DSCAM: variants seen among roughly 807,000 people sequenced by gnomAD.
DSCAM encodes DS cell adhesion molecule.
Under a neutral mutation model 217.7 loss-of-function variants are expected in DSCAM, and 47 were observed. That is an observed-to-expected ratio of 0.22 (90% CI 0.17 to 0.28). The LOEUF (loss-of-function observed/expected upper bound fraction) is 0.28. Ranked by LOEUF, DSCAM falls within the 10% of genes least tolerant of loss-of-function variation. The pLI, the probability that DSCAM is intolerant of heterozygous loss-of-function variation, is 1.00. For missense variants in DSCAM, 2,080 were observed against 2,618.3 expected, an observed-to-expected ratio of 0.79 and a Z score of 4.49; for synonymous variants, 1,056 against 1,015.3, an observed-to-expected ratio of 1.04 and a Z score of -0.76.
At chr21:40,812,903 G>C (rs1336185060) in intron 1 of DSCAM, among the ~76,000 whole-genome samples, 2 of 152,214 alleles carry the variant, frequency 1.3e-5, no homozygotes, top group African/African-American at 4.8e-5. Context: ...GTGGTCACCA[G>C]TGTTGGAAAC....
chr21:40,672,545 G>A (rs916008499), intron 3 of DSCAM, among the ~76,000 whole-genome samples: 5 of 152,012 alleles, frequency 3.3e-5, no homozygotes, highest in Admixed American at 2.6e-4. Flanking sequence ...CTTGAGCAAA[G>A]GTAGGAGGCC....
intron 16 of DSCAM, among the ~76,000 whole-genome samples, chr21:40,146,259 G>T (rs2090355557): frequency 6.7e-6 from 1 of 149,094 alleles, no homozygotes; most frequent in African/African-American, 2.4e-5. Flanking sequence ...AGGTGGGCTT[G>T]ACGGAGGGGG....
chr21:40,366,020 A>T (rs1270738827), intron 4 of DSCAM, among the ~76,000 whole-genome samples: 3 of 152,068 alleles, frequency 2.0e-5, no homozygotes, highest in Non-Finnish European at 2.9e-5. Flanking sequence ...GTCTGTTTAT[A>T]TTCTCCCTTA....
chr21:40,390,075 G>A lies in DSCAM; in HGVS notation c.509-20830C>T, dbSNP rs188064750. Among the ~76,000 whole-genome samples, 13 of 152,282 alleles carry A rather than the reference G, an allele frequency of 8.5e-5. No homozygotes were observed. The East Asian group carries it at 1.2e-3, about 14-fold the overall frequency. On this transcript the variant is annotated intron_variant, in intron 3 of 32. Coordinates refer to ENST00000400454, the MANE Select transcript of DSCAM (RefSeq NM_001389.5). ...AAATCTCCTGGAGGGGGAGCTGCAC[G>A]CATGGACAGGGTGGGGCAAGGGAGA...
At chr21:40,694,476 A>G (rs1013631999) in intron 2 of DSCAM, among the ~76,000 whole-genome samples, 4 of 152,176 alleles carry the variant, frequency 2.6e-5, no homozygotes, top group African/African-American at 9.7e-5. Flanking sequence ...AGGTCGGGCT[A>G]ACCTTGTGAT....
At chr21:40,774,080 A>G (rs1361276139) in intron 1 of DSCAM, among the ~76,000 whole-genome samples, 1 of 152,212 alleles carries the variant, frequency 6.6e-6, no homozygotes, top group Non-Finnish European at 1.5e-5. Context: ...AACAACCAGA[A>G]GGGAGCTTCC....
chr21:40,659,488 CTATTTATCTAT>C (rs2090114813), intron 3 of DSCAM, among the ~76,000 whole-genome samples: 1 of 152,058 alleles, frequency 6.6e-6, no homozygotes, highest in African/African-American at 2.4e-5. Flanking sequence ...CATCTATCTA[CTATTTATCTAT>C]TATCTATCTA....
chr21:40,037,961 C>A (rs1174588107), intron 32 of DSCAM, among the ~76,000 whole-genome samples: 132 of 134,098 alleles, frequency 9.8e-4, no homozygotes, highest in East Asian at 1.2e-3. Flanking sequence ...ACTGGCTAGC[C>A]ATATGTAGAA....
chr21:40,747,656 C>T lies in DSCAM; in HGVS notation c.44-38885G>A, dbSNP rs57020232. 2.9e-3 allele frequency among the ~76,000 whole-genome samples: 440 copies of T among 151,902 alleles called. 1 individual carries two copies. Among genetic ancestry groups the T allele is most frequent in the African/African-American group, 0.01 (422 of 41,528 alleles). On this transcript the variant is annotated intron_variant, in intron 1 of 32. Coordinates refer to ENST00000400454, the MANE Select transcript of DSCAM (RefSeq NM_001389.5). ...GAAGATTTACAACTAATCTTTCTCA[C>T]AAGAATTCTACCAATTCTTCCAAAA...
intron 1 of DSCAM, among the ~76,000 whole-genome samples, chr21:40,744,258 A>C (rs1466081557): frequency 1.3e-5 from 2 of 150,482 alleles, no homozygotes; most frequent in African/African-American, 4.8e-5. Context: ...CTGGGGACAA[A>C]AAGTGGGGGT....
intron 3 of DSCAM, among the ~76,000 whole-genome samples, chr21:40,500,944 T>C (rs925196332): frequency 1.3e-5 from 2 of 151,522 alleles, no homozygotes; most frequent in Admixed American, 1.3e-4. Flanking sequence ...AGAGGCAATA[T>C]GGTAGGTATG....
At chr21:40,089,044 A>T (rs1305351770) in intron 21 of DSCAM, among the ~76,000 whole-genome samples, 7 of 152,184 alleles carry the variant, frequency 4.6e-5, no homozygotes, top group Non-Finnish European at 8.8e-5. Context: ...GTTCTTTAAC[A>T]TTCTGGGCAT....
At chr21:40,737,945 A>C (rs1330585616) in intron 1 of DSCAM, among the ~76,000 whole-genome samples, 2 of 152,116 alleles carry the variant, frequency 1.3e-5, no homozygotes, top group Admixed American at 6.5e-5. Context: ...CCTCCCATTC[A>C]AGTCTCCCTT....
intron 3 of DSCAM, among the ~76,000 whole-genome samples, chr21:40,550,670 A>G (rs568122100): frequency 9.9e-5 from 15 of 152,212 alleles, no homozygotes; most frequent in Admixed American, 9.2e-4. Flanking sequence ...GAGTAGTAGT[A>G]GCTATTAAAA....
intron 3 of DSCAM, among the ~76,000 whole-genome samples, chr21:40,635,664 C>T (rs1213852096): frequency 1.3e-5 from 2 of 152,086 alleles, no homozygotes; most frequent in Non-Finnish European, 2.9e-5. Context: ...AAGATCTGCA[C>T]CATGTTTTCT....
Position 40,312,123 on chromosome 21 carries a change from C to T in DSCAM, c.2020G>A (p.Glu674Lys). The T allele has an allele frequency of 6.2e-7, 1 of 1,614,062 alleles. No homozygotes were observed. Among genetic ancestry groups the T allele is most frequent in the Non-Finnish European group, 8.5e-7 (1 of 1,179,990 alleles). Residue 674 changes from glutamate (E) to lysine (K), a missense_variant, in exon 9 of 33, where the codon GAG (glutamate) becomes AAG (lysine). Around this residue, in one of 5 missense-constraint regions of DSCAM, gnomAD observed 218 missense variants for 364.1 expected, o/e 0.60. Coordinates refer to ENST00000400454, the MANE Select transcript of DSCAM (RefSeq NM_001389.5). The stretch of plus-strand genomic sequence containing the variant: ...CTTTGGTGCTCCACAGCGGCGGCCT[C>T]ATTCCGGGCTATGCAGGTGTAATTC... ...NGNYTCIARN[E>K]AAAVEHQSQL...
intron 3 of DSCAM, among the ~76,000 whole-genome samples, chr21:40,480,971 G>T (rs970591983): frequency 1.3e-5 from 2 of 152,106 alleles, no homozygotes; most frequent in Non-Finnish European, 2.9e-5. Flanking sequence ...ACTCTTTTAG[G>T]CCATGCTTTT....
At chr21:40,442,401 A>T (rs2075638231) in intron 3 of DSCAM, among the ~76,000 whole-genome samples, 2 of 151,190 alleles carry the variant, frequency 1.3e-5, no homozygotes, top group South Asian at 2.1e-4. Context: ...TTTAAATTTA[A>T]TTTTTTTATA....
chr21:40,262,080 T>G (rs556349747), intron 11 of DSCAM, among the ~76,000 whole-genome samples: 2 of 152,232 alleles, frequency 1.3e-5, no homozygotes, highest in African/African-American at 4.8e-5. Context: ...TGTCCATGTG[T>G]ACATAAAGAA....
Sources: gnomAD v4.1 joint callset for allele counts (sites outside exome capture counted in the v4.1 genomes callset) on GRCh38, gnomAD v4.1.1 for gene constraint, gnomAD v4.1.1 regional missense constraint, MANE v1.5 for transcripts, NCBI Gene and HGNC (gene_info 2026-07-23, HGNC 2026-07-21) for gene names.